LMTK2: variants seen among roughly 807,000 people sequenced by gnomAD.
LMTK2 encodes lemur tail kinase 2, also known as serine/threonine-protein kinase LMTK2.
A neutral mutation model predicts 127.5 loss-of-function variants in LMTK2; 37 were observed. The observed-to-expected ratio is 0.29, with a 90% CI of 0.22 to 0.38. The LOEUF (loss-of-function observed/expected upper bound fraction) is 0.38. Ranked by LOEUF, LMTK2 falls within the 10% of genes least tolerant of loss-of-function variation. LMTK2 has a pLI of 1.00. For synonymous variants in LMTK2, 819 were observed against 810.1 expected (o/e 1.01, Z -0.19); for missense variants, 1,694 against 1,920.3 (o/e 0.88, Z 2.20).
At chr7:98,191,552 G>T in intron 10 of LMTK2, 62 bp from the exon 11 acceptor site, 2 of 1,260,388 alleles carry the variant, frequency 1.6e-6, no homozygotes, top group African/African-American at 1.5e-5. Flanking sequence ...ACTCCGTCTC[G>T]AACCAAAAAA....
At chr7:98,205,389 A>C (rs930598689) in intron 13 of LMTK2, 75 bp from the exon 14 acceptor site, 1 of 1,563,970 alleles carries the variant, frequency 6.4e-7, no homozygotes, top group African/African-American at 1.4e-5. Context: ...TGCAGCGCAC[A>C]TGCCATCCAC....
chr7:98,179,189 T>C (rs1797316520), intron 7 of LMTK2, among the ~76,000 whole-genome samples: 1 of 152,234 alleles, frequency 6.6e-6, no homozygotes, highest in Non-Finnish European at 1.5e-5. Context: ...GCCTTTGCAT[T>C]TCAAGTATCC....
rs1225546768 is a variant in LMTK2 at position 98,132,965 on chromosome 7, C to G, written c.104-4350C>G. Among the ~76,000 whole-genome samples, 3 of 152,124 alleles carry G rather than the reference C, an allele frequency of 2.0e-5. No homozygotes were observed. The East Asian group carries it at 5.8e-4, about 29-fold the overall frequency. On this transcript the variant is annotated intron_variant, in intron 1 of 13. Transcript: ENST00000297293. ...AGTCATTACTGAGAAATTGCATTCT[C>G]CAAATTACCTGTCTCTAAAACAGAT... is the stretch of plus-strand genomic sequence containing the variant.
At chr7:98,188,452 A>G (rs910945093) in intron 9 of LMTK2, among the ~76,000 whole-genome samples, 2 of 152,020 alleles carry the variant, frequency 1.3e-5, no homozygotes, top group Admixed American at 1.3e-4. Flanking sequence ...TTTTTTAAAA[A>G]AAGTTATTAT....
At chr7:98,183,010 G>C (rs1198465502) in intron 7 of LMTK2, among the ~76,000 whole-genome samples, 1 of 152,128 alleles carries the variant, frequency 6.6e-6, no homozygotes, top group Non-Finnish European at 1.5e-5. Context: ...GAGATCTTAC[G>C]ACTTTTTGTA....
At chr7:98,204,671 G>T (rs965773821) in intron 13 of LMTK2, among the ~76,000 whole-genome samples, 1 of 152,186 alleles carries the variant, frequency 6.6e-6, no homozygotes, top group African/African-American at 2.4e-5. Flanking sequence ...TGTGCTCTCG[G>T]GGCCATGCCC....
At position 98,192,208 on chromosome 7, in the gene LMTK2, G is replaced by A; in HGVS notation, c.1743G>A (p.Arg581=). The A allele has an allele frequency of 6.6e-7, 1 of 1,524,062 alleles. No homozygotes were observed. Among genetic ancestry groups the A allele is most frequent in the Non-Finnish European group, 8.8e-7 (1 of 1,139,420 alleles). The allele number at this position is 1,524,062 out of a possible 1,614,324, so 94.4% of individuals were successfully genotyped here. A position where few individuals can be genotyped will look rare whatever the true frequency, so the allele number is the denominator to read the frequency against. Residue 581 remains arginine (R), a synonymous_variant, in exon 11 of 14, where the codon AGG becomes AGA. Coordinates refer to ENST00000297293, the MANE Select transcript of LMTK2 (RefSeq NM_014916.4). The part of the protein sequence containing the change: ...LLTTDMDNPE[R]TGPELSQLTA... ...CAACCGACATGGATAATCCAGAAAG[G>A]ACTGGCCCTGAACTGTCCCAGCTCA...
intron 1 of LMTK2, among the ~76,000 whole-genome samples, chr7:98,111,849 GAA>G (rs1796205944): frequency 6.6e-6 from 1 of 152,196 alleles, no homozygotes; most frequent in African/African-American, 2.4e-5. Flanking sequence ...GCTTTAGAGA[GAA>G]ATCTGGTTTA....
At chr7:98,180,310 A>G (rs1797336561) in intron 7 of LMTK2, among the ~76,000 whole-genome samples, 1 of 152,246 alleles carries the variant, frequency 6.6e-6, no homozygotes, top group African/African-American at 2.4e-5. Flanking sequence ...GTAAAGACAT[A>G]CATTTTGCAC....
intron 6 of LMTK2, among the ~76,000 whole-genome samples, chr7:98,168,244 A>T (rs1797132376): frequency 6.6e-6 from 1 of 152,160 alleles, no homozygotes; most frequent in African/African-American, 2.4e-5. Flanking sequence ...TCTCGAGAGG[A>T]CTGAGCTTAG....
At chr7:98,177,487 G>A (rs747484924) in intron 7 of LMTK2, among the ~76,000 whole-genome samples, 12 of 152,188 alleles carry the variant, frequency 7.9e-5, no homozygotes, top group Non-Finnish European at 1.8e-4. Context: ...AATCTGAACA[G>A]GGTTTTTATT....
At chr7:98,110,576 A>G (rs1216588955) in intron 1 of LMTK2, among the ~76,000 whole-genome samples, 1 of 152,260 alleles carries the variant, frequency 6.6e-6, no homozygotes, top group Non-Finnish European at 1.5e-5. Context: ...GATCATAGTT[A>G]TCAGATCATT....
Position 98,206,003 on chromosome 7 carries a change from A to G in LMTK2, c.*511A>G, listed in dbSNP as rs964983663. 2.6e-5 allele frequency: 4 copies of G among 155,926 alleles called. No homozygotes were observed. The highest frequency in any genetic ancestry group is 9.6e-5 in the African/African-American group (4 of 41,530). 9.7% of individuals were successfully genotyped at this position (155,926 alleles called of 1,614,324 possible). On this transcript the variant is annotated 3_prime_UTR_variant, in exon 14 of 14. Transcript: ENST00000297293. Reference sequence around the variant, plus strand: ...GTGGATAAATGTTCCGAGAGTCTCCATTGTTGTACAGGATCTTCAGTTATT... The same window carrying G: ...GTGGATAAATGTTCCGAGAGTCTCCGTTGTTGTACAGGATCTTCAGTTATT...
At chr7:98,184,010 G>A (rs1797393066) in intron 7 of LMTK2, among the ~76,000 whole-genome samples, 1 of 152,168 alleles carries the variant, frequency 6.6e-6, no homozygotes, top group South Asian at 2.1e-4. Context: ...GAGAGACTGA[G>A]GCAAGTTTTA....
chr7:98,132,086 C>T (rs1039824835), intron 1 of LMTK2, among the ~76,000 whole-genome samples: 1 of 152,112 alleles, frequency 6.6e-6, no homozygotes, highest in Non-Finnish European at 1.5e-5. Flanking sequence ...GGGAGCAAAC[C>T]GCTTTAGAGG....
At chr7:98,197,279 C>T (rs1015798084) in intron 11 of LMTK2, among the ~76,000 whole-genome samples, 3 of 152,178 alleles carry the variant, frequency 2.0e-5, no homozygotes, top group African/African-American at 7.2e-5. Context: ...GACCCTGAGG[C>T]TCAGAGTAGG....
At position 98,205,727 on chromosome 7, in the gene LMTK2, C is replaced by G; in HGVS notation, c.*235C>G. On this transcript the variant is annotated 3_prime_UTR_variant, in exon 14 of 14. Transcript: ENST00000297293. ...GGCGTCCCTCAGTGCCCCGTGCACCCGCGGCCGCGGCCTCCCAGGCAGTGC... is the reference window on the plus strand; with the variant it reads ...GGCGTCCCTCAGTGCCCCGTGCACCGGCGGCCGCGGCCTCCCAGGCAGTGC... The G allele has an allele frequency of 5.2e-6, 3 of 580,082 alleles. No homozygotes were observed. The highest frequency in any genetic ancestry group is 9.3e-6 in the Non-Finnish European group (3 of 323,618). The allele number at this position is 580,082 out of a possible 1,614,324, so 35.9% of individuals were successfully genotyped here. A position where few individuals can be genotyped will look rare whatever the true frequency, so the allele number is the denominator to read the frequency against.
At position 98,148,164 on chromosome 7, in the gene LMTK2, G is replaced by A. The variant is rs1796798637; in HGVS notation, c.377-3218G>A. ...TGCGGGATTGCACTGTTGCACTCCA[G>A]CCTGAGTGATACAGTGAGACCCTGT... On this transcript the variant is annotated intron_variant, in intron 3 of 13. Coordinates refer to ENST00000297293, the MANE Select transcript of LMTK2 (RefSeq NM_014916.4). Among the ~76,000 whole-genome samples, 2 of 151,840 alleles carry A rather than the reference G, an allele frequency of 1.3e-5. 1 individual carries two copies. The highest frequency in any genetic ancestry group is 4.2e-4 in the South Asian group (2 of 4,804).
rs572823762 is a variant in LMTK2 at position 98,164,687 on chromosome 7, CAG to C, written c.657+5263_657+5264del. On this transcript the variant is annotated intron_variant, in intron 6 of 13. Transcript: ENST00000297293. ...AGGCTTTGTAAAGGCAGTGTGGAGA[CAG>C]GGGATGCTGTGCCCTGGTGGCGAGG... 3.0e-3 allele frequency among the ~76,000 whole-genome samples: 462 copies of C among 152,192 alleles called. 3 individuals carry two copies. Among genetic ancestry groups the C allele is most frequent in the African/African-American group, 1.0e-2 (414 of 41,536 alleles).
Sources: allele counts gnomAD v4.1 joint callset (sites outside exome capture counted in the v4.1 genomes callset), GRCh38; gene constraint gnomAD v4.1.1; transcripts MANE v1.5; gene names NCBI Gene and HGNC (gene_info 2026-07-23, HGNC 2026-07-21).